TCF4: variants seen among roughly 807,000 people sequenced by gnomAD.
The protein encoded by TCF4 is transcription factor 4, also known as SL3-3 enhancer factor 2.
TCF4 carries 3 observed loss-of-function variants against 82.1 expected under a neutral mutation model. The ratio of observed to expected loss-of-function variants is 0.04; its 90% CI spans 0.02 to 0.09. TCF4 has a LOEUF of 0.09. Among genes scored for constraint, TCF4 ranks in the 10% least tolerant of loss-of-function variants. The pLI is 1.00. For synonymous variants in TCF4, 276 were observed against 309.6 expected (o/e 0.89, Z 1.14); for missense variants, 518 against 852.7 (o/e 0.61, Z 4.89).
At chr18:55,294,623 G>A (rs923410850) in intron 8 of TCF4, among the ~76,000 whole-genome samples, 1 of 152,194 alleles carries the variant, frequency 6.6e-6, no homozygotes, top group Non-Finnish European at 1.5e-5. Flanking sequence ...GATATCATAT[G>A]GAGATGACCC....
chr18:55,244,999 T>C (rs902985967), intron 15 of TCF4, among the ~76,000 whole-genome samples: 3 of 152,266 alleles, frequency 2.0e-5, no homozygotes, highest in Admixed American at 6.5e-5. Context: ...GTCATTTCAC[T>C]AATATTGGAC....
At chr18:55,332,790 T>C (rs554678594) in intron 8 of TCF4, among the ~76,000 whole-genome samples, 1 of 152,362 alleles carries the variant, frequency 6.6e-6, no homozygotes. Flanking sequence ...CGTCAGTGTT[T>C]CTTTCCCTTT....
chr18:55,383,519 T>C (rs1192649342), intron 6 of TCF4, among the ~76,000 whole-genome samples: 1 of 152,190 alleles, frequency 6.6e-6, no homozygotes, highest in East Asian at 1.9e-4. Flanking sequence ...CCAATCCCAG[T>C]AGATGCTCAA....
rs573936188 is a variant in TCF4, at chr18:55,416,817, G to C, written c.305-13299C>G. Among the ~76,000 whole-genome samples, 7 of 152,346 alleles carry C rather than the reference G, an allele frequency of 4.6e-5. No individual in the cohort carries two copies. The South Asian group carries it at 1.0e-3, about 23-fold the overall frequency. On this transcript the variant is annotated intron_variant, in intron 5 of 19. Coordinates refer to ENST00000354452, the MANE Select transcript of TCF4 (RefSeq NM_001083962.2). ...TTTGACATGCAGCCTGCTAAGGCCA[G>C]TGACGGGGATAATGCCTCTTTACGT...
At chr18:55,279,147 G>C (rs763502660) in intron 9 of TCF4, among the ~76,000 whole-genome samples, 6 of 152,106 alleles carry the variant, frequency 3.9e-5, no homozygotes, top group Admixed American at 2.6e-4. Context: ...TTTACATAAG[G>C]TTATACATTA....
intron 2 of TCF4, among the ~76,000 whole-genome samples, chr18:55,622,069 T>C (rs2097721631): frequency 7.2e-6 from 1 of 139,070 alleles, no homozygotes; most frequent in Non-Finnish European, 1.5e-5. Context: ...ACACTGTATA[T>C]ATAATATATA....
chr18:55,228,739 T>C (rs563879183), intron 18 of TCF4, 108 bp downstream of exon 18: 4 of 1,130,494 alleles, frequency 3.5e-6, no homozygotes, highest in East Asian at 2.5e-5. Context: ...TTTGGAATGA[T>C]GCTTGAAAGT....
chr18:55,497,890 C>T lies in TCF4; in HGVS notation c.146-33753G>A, dbSNP rs536556164. Among the ~76,000 whole-genome samples the T allele has an allele frequency of 2.6e-5, 4 of 152,206 alleles. No homozygotes were observed. In the South Asian group the frequency reaches 8.3e-4, roughly 32 times the overall value. The stretch of plus-strand genomic sequence containing the variant: ...AAAACCTCTGACATCCACATGAATA[C>T]CAAATTAATTCATTATGATCAGTGC... On this transcript the variant is annotated intron_variant, in intron 3 of 19. Coordinates refer to ENST00000354452, the MANE Select transcript of TCF4 (RefSeq NM_001083962.2).
intron 5 of TCF4, among the ~76,000 whole-genome samples, chr18:55,448,822 G>C (rs974972466): frequency 6.6e-6 from 1 of 152,192 alleles, no homozygotes; most frequent in Non-Finnish European, 1.5e-5. Flanking sequence ...TCTTAAACTA[G>C]TATCAGCTCA....
intron 5 of TCF4, among the ~76,000 whole-genome samples, chr18:55,447,566 A>G (rs1338646522): frequency 6.6e-6 from 1 of 152,104 alleles, no homozygotes; most frequent in Non-Finnish European, 1.5e-5. Context: ...CGAACCAAAG[A>G]CTCATTTGAG....
At chr18:55,267,023 C>G (rs1286939190) in intron 11 of TCF4, 1 of 152,168 alleles carries the variant, frequency 6.6e-6, no homozygotes, top group Non-Finnish European at 1.5e-5. Flanking sequence ...ACTGAAAAAG[C>G]AGCTTCCTAA....
intron 8 of TCF4, among the ~76,000 whole-genome samples, chr18:55,303,444 T>A (rs2069067338): frequency 6.6e-6 from 1 of 152,186 alleles, no homozygotes; most frequent in Non-Finnish European, 1.5e-5. Context: ...GAATCATGAC[T>A]GCAACTCTAG....
chr18:55,452,735 T>C (rs1363967734), intron 5 of TCF4: 3 of 152,284 alleles, frequency 2.0e-5, no homozygotes, highest in Non-Finnish European at 4.4e-5. Flanking sequence ...CTTTGGCTGG[T>C]TGCTGCCTTG....
intron 13 of TCF4, among the ~76,000 whole-genome samples, chr18:55,259,139 G>A (rs751158022): frequency 5.3e-5 from 8 of 152,072 alleles, no homozygotes; most frequent in Admixed American, 3.3e-4. Context: ...AATAACAAAC[G>A]CAAGTAACTC....
intron 2 of TCF4, chr18:55,631,255 G>T: frequency 2.3e-6 from 2 of 870,002 alleles, no homozygotes; most frequent in Non-Finnish European, 3.6e-6. Flanking sequence ...TCATCATGTT[G>T]GCCAGGCTGT....
At chr18:55,365,633 C>T (rs1036232843) in intron 6 of TCF4, among the ~76,000 whole-genome samples, 5 of 152,122 alleles carry the variant, frequency 3.3e-5, no homozygotes, top group African/African-American at 7.2e-5. Context: ...GGCACAGTGG[C>T]TCATGCCTAT....
Position 55,283,826 on chromosome 18 carries a change from T to C in TCF4, c.550-4170A>G, listed in dbSNP as rs546748765. On this transcript the variant is annotated intron_variant, in intron 8 of 19. Coordinates refer to ENST00000354452, the MANE Select transcript of TCF4 (RefSeq NM_001083962.2). ...AATGGAACCTGGCACAGATTAATCA[T>C]ACAAAAAACATCAGACATTAGTGCT... 1.4e-4 allele frequency among the ~76,000 whole-genome samples: 22 copies of C among 152,324 alleles called. No homozygotes were observed. The South Asian group carries it at 4.1e-3, about 29-fold the overall frequency.
rs538345998 is a variant in TCF4 at position 55,301,897 on chromosome 18, G to A, written c.550-22241C>T. Among the ~76,000 whole-genome samples the A allele has an allele frequency of 3.8e-4, 57 of 150,430 alleles. No homozygotes were observed. The South Asian group carries it at 0.011, about 29-fold the overall frequency. ...TTGGAAGATGAGCTGATTCATCCTC[G>A]TTTAGGTTGTATCTATTTATATCTT... On this transcript the variant is annotated intron_variant, in intron 8 of 19. Coordinates refer to ENST00000354452, the MANE Select transcript of TCF4 (RefSeq NM_001083962.2).
At chr18:55,539,700 A>AT (rs796264967) in intron 3 of TCF4, among the ~76,000 whole-genome samples, 12 of 152,302 alleles carry the variant, frequency 7.9e-5, no homozygotes, top group African/African-American at 2.9e-4. Flanking sequence ...TTTGAAAGAG[A>AT]TTTTTTAAAT....
Sources: allele counts gnomAD v4.1 joint callset (sites outside exome capture counted in the v4.1 genomes callset), GRCh38; gene constraint gnomAD v4.1.1; transcripts MANE v1.5; gene names NCBI Gene and HGNC (gene_info 2026-07-23, HGNC 2026-07-21).